Variants in UBR3 observed in about 807,000 individuals in gnomAD.
The protein encoded by UBR3 is ubiquitin protein ligase E3 component n-recognin 3, also known as E3 ubiquitin-protein ligase UBR3.
In UBR3, 85 loss-of-function variants were observed where a neutral mutation model predicts 243.2. That is an observed-to-expected ratio of 0.35 (90% CI 0.29 to 0.42). The LOEUF is 0.42. UBR3 is among the 10% of genes least tolerant of loss of function. The probability of loss-of-function intolerance (pLI) is 1.00; values close to 1 mark genes in which losing one functional copy is unlikely to be tolerated. For synonymous variants in UBR3, 748 were observed against 799.8 expected (o/e 0.94, Z 1.09); for missense variants, 1,686 against 2,300.8 (o/e 0.73, Z 5.47).
intron 1 of UBR3, among the ~76,000 whole-genome samples, chr2:169,839,202 A>G (rs915579414): frequency 6.6e-6 from 1 of 152,232 alleles, no homozygotes; most frequent in Non-Finnish European, 1.5e-5. Flanking sequence ...AAATAATGAA[A>G]TCTTGTCATT....
chr2:169,848,042 GGCCCC>G (rs1423191459), intron 1 of UBR3, among the ~76,000 whole-genome samples: 1 of 152,068 alleles, frequency 6.6e-6, no homozygotes, highest in African/African-American at 2.4e-5. Context: ...CATAGAGTTT[GGCCCC>G]ATTTTGATTC....
chr2:169,961,728 G>T (rs1269243803), intron 24 of UBR3, among the ~76,000 whole-genome samples: 1 of 151,982 alleles, frequency 6.6e-6, no homozygotes, highest in Non-Finnish European at 1.5e-5. Context: ...TTCCTTTCCT[G>T]TGACACATTT....
intron 10 of UBR3, 28 bp from the exon 11 acceptor site, chr2:169,914,032 A>G: frequency 5.4e-6 from 6 of 1,114,882 alleles, no homozygotes; most frequent in South Asian, 2.4e-5. Flanking sequence ...TATATCATAA[A>G]TTTATTATAT....
chr2:169,910,095 A>T (rs1326909909), intron 10 of UBR3, among the ~76,000 whole-genome samples: 1 of 152,140 alleles, frequency 6.6e-6, no homozygotes, highest in Non-Finnish European at 1.5e-5. Context: ...TGAAATGTCC[A>T]AGTAGAAATA....
intron 1 of UBR3, among the ~76,000 whole-genome samples, chr2:169,836,059 ATATATATATTTTTT>A (rs2082095563): frequency 4.9e-5 from 2 of 40,952 alleles, no homozygotes; most frequent in African/African-American, 7.0e-5. Context: ...ATATATATAT[ATATATATATTTTTT>A]TTTTTTTTTT....
intron 23 of UBR3, among the ~76,000 whole-genome samples, chr2:169,956,008 G>C (rs2105365775): frequency 6.6e-6 from 1 of 151,924 alleles, no homozygotes; most frequent in African/African-American, 2.4e-5. Flanking sequence ...TGTGTTGGAA[G>C]GTAGTGTGAG....
Position 170,055,899 on chromosome 2 carries a change from T to C in UBR3, c.4785+315T>C, listed in dbSNP as rs912026036. 2.6e-5 allele frequency among the ~76,000 whole-genome samples: 4 copies of C among 152,228 alleles called. No homozygotes were observed. In the South Asian group the frequency reaches 8.3e-4, roughly 32 times the overall value. On this transcript the variant is annotated intron_variant, in intron 33 of 38. Transcript: ENST00000272793. ...ACATGATAAAATATCTGCAGACTTATCTATTTTATTCGCCACTTTTTCTTT... is the reference window on the plus strand; with the variant it reads ...ACATGATAAAATATCTGCAGACTTACCTATTTTATTCGCCACTTTTTCTTT...
intron 30 of UBR3, among the ~76,000 whole-genome samples, chr2:170,025,491 G>C (rs2090505540): frequency 6.6e-6 from 1 of 152,054 alleles, no homozygotes; most frequent in Non-Finnish European, 1.5e-5. Context: ...GGGAATACTT[G>C]GAAAGAAAAG....
chr2:170,036,363 G>T (rs1267527091), intron 31 of UBR3, among the ~76,000 whole-genome samples: 1 of 151,920 alleles, frequency 6.6e-6, no homozygotes, highest in African/African-American at 2.4e-5. Context: ...TCTACAGAGG[G>T]GTGCATCAAT....
chr2:170,076,666 C>A (rs13414991), intron 36 of UBR3, among the ~76,000 whole-genome samples: 42,177 of 152,130 alleles, frequency 0.28, 6,057 homozygotes, highest in East Asian at 0.42. Flanking sequence ...AATATACAGT[C>A]AAATATATAT....
Position 169,882,147 on chromosome 2 carries a change from T to A in UBR3, c.1038+3573T>A, listed in dbSNP as rs553586940. ...ATTATATACATATATTTATATTATA[T>A]ATGTATATATATTTATCATATTTAT... is the stretch of plus-strand genomic sequence containing the variant. On this transcript the variant is annotated intron_variant, in intron 5 of 38. Transcript: ENST00000272793. Among the ~76,000 whole-genome samples, 155 of 131,130 alleles carry A rather than the reference T, an allele frequency of 1.2e-3. No homozygotes were observed. The East Asian group carries it at 0.027, about 23-fold the overall frequency. The allele number at this position is 131,130 out of a possible 152,430, so 86.0% of individuals were successfully genotyped here.
intron 1 of UBR3, among the ~76,000 whole-genome samples, chr2:169,842,765 A>G (rs189527990): frequency 6.6e-6 from 1 of 152,320 alleles, no homozygotes; most frequent in East Asian, 1.9e-4. Flanking sequence ...CAGACTCCAG[A>G]CACGCCACCT....
chr2:169,883,070 C>T (rs1237700406), intron 5 of UBR3, among the ~76,000 whole-genome samples: 2 of 152,200 alleles, frequency 1.3e-5, no homozygotes, highest in South Asian at 2.1e-4. Flanking sequence ...AGCTTTATGT[C>T]TTAAAATTAC....
intron 19 of UBR3, among the ~76,000 whole-genome samples, chr2:169,939,639 C>T (rs1279715318): frequency 6.6e-6 from 1 of 151,156 alleles, no homozygotes; most frequent in African/African-American, 2.4e-5. Context: ...TCTTGGCTCA[C>T]TGTAGCCTTT....
chr2:169,914,195 T>C (rs774684377), intron 11 of UBR3, 49 bp downstream of exon 11: 2 of 1,039,158 alleles, frequency 1.9e-6, no homozygotes, highest in South Asian at 4.2e-5. Context: ...TGTAAAGACA[T>C]TTAAGAAAAG....
At chr2:170,019,946 T>G (rs764057729) in intron 30 of UBR3, among the ~76,000 whole-genome samples, 57 of 151,984 alleles carry the variant, frequency 3.8e-4, no homozygotes, top group Non-Finnish European at 1.6e-4. Context: ...CGACTAATTT[T>G]TTAATACATT....
At chr2:170,011,984 A>G (rs991746839) in intron 29 of UBR3, among the ~76,000 whole-genome samples, 12 of 152,152 alleles carry the variant, frequency 7.9e-5, no homozygotes, top group Admixed American at 3.3e-4. Flanking sequence ...CATATAGTCT[A>G]GAGATACTGG....
At chr2:169,978,889 G>C (rs1213609959) in intron 24 of UBR3, among the ~76,000 whole-genome samples, 1 of 152,078 alleles carries the variant, frequency 6.6e-6, no homozygotes, top group African/African-American at 2.4e-5. Flanking sequence ...GGGATGAGGG[G>C]TGTTATATCG....
chr2:169,953,439 A>G (rs747639874), intron 23 of UBR3, among the ~76,000 whole-genome samples: 4 of 152,224 alleles, frequency 2.6e-5, no homozygotes, highest in Non-Finnish European at 4.4e-5. Flanking sequence ...AATAGAAAAC[A>G]AGATGCAAGC....
Sources: allele counts gnomAD v4.1 joint callset (sites outside exome capture counted in the v4.1 genomes callset), GRCh38; gene constraint gnomAD v4.1.1; transcripts MANE v1.5; gene names NCBI Gene and HGNC (gene_info 2026-07-23, HGNC 2026-07-21).